The following PACSIN2 variants were observed in gnomAD, a reference collection of about 807,000 sequenced individuals.
PACSIN2 encodes protein kinase C and casein kinase substrate in neurons 2.
PACSIN2 carries 25 observed loss-of-function variants against 63.8 expected under a neutral mutation model. The ratio of observed to expected loss-of-function variants is 0.39; its 90% CI spans 0.29 to 0.55. PACSIN2 has a LOEUF of 0.55. PACSIN2 is among the 20% of genes least tolerant of loss of function. The pLI, the probability that PACSIN2 is intolerant of heterozygous loss-of-function variation, is 0.62. For missense variants in PACSIN2, 518 were observed against 646.9 expected (o/e 0.80, Z 2.16); for synonymous variants, 255 against 256.2 (o/e 1.00, Z 0.05).
chr22:42,887,140 G>A lies in PACSIN2; in HGVS notation c.609+1503C>T, dbSNP rs183742257. Among the ~76,000 whole-genome samples the A allele has an allele frequency of 2.6e-5, 4 of 152,278 alleles. No individual in the cohort carries two copies. In the East Asian group the frequency reaches 7.7e-4, roughly 29 times the overall value. Reference sequence around the variant, plus strand: ...GTAGTTGGTTCCAGGCTCCTCACCTGATCCCACCGTGGAGGCACCTGGGCT... The same window carrying A: ...GTAGTTGGTTCCAGGCTCCTCACCTAATCCCACCGTGGAGGCACCTGGGCT... On this transcript the variant is annotated intron_variant, in intron 5 of 10. Transcript: ENST00000263246.
intron 2 of PACSIN2, among the ~76,000 whole-genome samples, chr22:42,906,471 C>T (rs1931081421): frequency 6.6e-6 from 1 of 152,200 alleles, no homozygotes; most frequent in Admixed American, 6.5e-5. Context: ...CAGGGTCAGC[C>T]AAACATGGCC....
intron 1 of PACSIN2, among the ~76,000 whole-genome samples, chr22:42,914,069 C>G: frequency 6.6e-6 from 1 of 152,234 alleles, no homozygotes; most frequent in Middle Eastern, 3.2e-3. Flanking sequence ...GACTAAGATG[C>G]ATGCACGCTC....
chr22:42,991,284 G>T (rs1412953567), intron 1 of PACSIN2, among the ~76,000 whole-genome samples: 4 of 152,122 alleles, frequency 2.6e-5, no homozygotes, highest in Non-Finnish European at 4.4e-5. Flanking sequence ...GCTGGTCAAG[G>T]ACAAGCAGTG....
intron 1 of PACSIN2, among the ~76,000 whole-genome samples, chr22:42,948,811 G>A (rs941616714): frequency 6.6e-6 from 1 of 152,198 alleles, no homozygotes; most frequent in African/African-American, 2.4e-5. Context: ...AGAATATGGA[G>A]CCAGTTTCGT....
rs150149403 is a variant in PACSIN2, at chr22:42,979,059, T to C, written c.-78+35962A>G. ...ATCCTGTTGACCAATCCCCCTGCAG[T>C]ATAGCACAGACAACAGGGGTACTAC... On this transcript the variant is annotated intron_variant, in intron 1 of 10. Coordinates refer to ENST00000263246, the MANE Select transcript of PACSIN2 (RefSeq NM_001184970.3). Among the ~76,000 whole-genome samples, 335 of 152,184 alleles carry C rather than the reference T, an allele frequency of 2.2e-3. 1 individual carries two copies. The highest frequency in any genetic ancestry group is 7.8e-3 in the African/African-American group (323 of 41,502).
At chr22:42,995,454 G>A (rs915625339) in intron 1 of PACSIN2, among the ~76,000 whole-genome samples, 1 of 152,110 alleles carries the variant, frequency 6.6e-6, no homozygotes, top group African/African-American at 2.4e-5. Flanking sequence ...GTCCACTGAG[G>A]AGACAAGGTT....
intron 1 of PACSIN2, among the ~76,000 whole-genome samples, chr22:42,952,414 G>GGA (rs1365278633): frequency 2.6e-5 from 4 of 151,882 alleles, no homozygotes; most frequent in African/African-American, 4.8e-5. Flanking sequence ...GGAGTGCAGT[G>GGA]GCATGATCTT....
At chr22:42,906,117 G>C (rs1428473962) in intron 2 of PACSIN2, among the ~76,000 whole-genome samples, 1 of 152,256 alleles carries the variant, frequency 6.6e-6, no homozygotes, top group Non-Finnish European at 1.5e-5. Flanking sequence ...TTGTGGAACT[G>C]TCTTGTGCTG....
At chr22:42,898,937 T>TG (rs1930481862) in intron 2 of PACSIN2, among the ~76,000 whole-genome samples, 1 of 152,144 alleles carries the variant, frequency 6.6e-6, no homozygotes, top group African/African-American at 2.4e-5. Context: ...ACAGGCGTGC[T>TG]GGGGGGACTA....
chr22:42,943,347 T>A (rs1333107467), intron 1 of PACSIN2, among the ~76,000 whole-genome samples: 6 of 152,230 alleles, frequency 3.9e-5, no homozygotes, highest in Admixed American at 6.5e-5. Flanking sequence ...GAGAGTGTTT[T>A]ACCTTTTCCT....
chr22:42,892,642 G>A (rs1929994724), intron 3 of PACSIN2, among the ~76,000 whole-genome samples: 1 of 152,186 alleles, frequency 6.6e-6, no homozygotes, highest in Non-Finnish European at 1.5e-5. Context: ...CACAGCCTGG[G>A]CACATACCCT....
At chr22:42,875,814 G>A (rs903513108) in intron 10 of PACSIN2, among the ~76,000 whole-genome samples, 16 of 152,154 alleles carry the variant, frequency 1.1e-4, no homozygotes, top group Non-Finnish European at 1.5e-4. Flanking sequence ...TGGGATTACA[G>A]GCGTGAGCCA....
intron 1 of PACSIN2, among the ~76,000 whole-genome samples, chr22:43,010,525 A>G (rs1924418885): frequency 1.3e-5 from 2 of 152,130 alleles, no homozygotes; most frequent in African/African-American, 4.8e-5. Flanking sequence ...CCTGGCTAAC[A>G]TAGTGAAACC....
intron 1 of PACSIN2, among the ~76,000 whole-genome samples, chr22:42,965,584 A>G (rs2146857614): frequency 6.6e-6 from 1 of 152,326 alleles, no homozygotes; most frequent in Admixed American, 6.5e-5. Flanking sequence ...AGTGCCTCAG[A>G]TTCAAAAGAT....
intron 1 of PACSIN2, among the ~76,000 whole-genome samples, chr22:42,951,548 C>T (rs958175092): frequency 1.8e-4 from 27 of 152,332 alleles, no homozygotes; most frequent in African/African-American, 6.5e-4. Flanking sequence ...GGCCAAAACC[C>T]ACCTCTTGCT....
chr22:42,980,356 A>G (rs888237901), intron 1 of PACSIN2, among the ~76,000 whole-genome samples: 2 of 152,160 alleles, frequency 1.3e-5, no homozygotes, highest in Non-Finnish European at 2.9e-5. Flanking sequence ...TCTACTAAAA[A>G]TCAAAAACAC....
intron 1 of PACSIN2, among the ~76,000 whole-genome samples, chr22:42,976,872 T>C (rs528831334): frequency 3.9e-5 from 6 of 152,274 alleles, no homozygotes; most frequent in Admixed American, 2.0e-4. Context: ...GTCAGAGAAT[T>C]AGTAAATGGC....
chr22:42,883,875 ATG>A (rs1417579103), intron 6 of PACSIN2, among the ~76,000 whole-genome samples: 1 of 152,154 alleles, frequency 6.6e-6, no homozygotes, highest in Non-Finnish European at 1.5e-5. Flanking sequence ...GTGGTGGCGC[ATG>A]CCTGTAATCC....
chr22:42,882,231 G>C lies in PACSIN2; in HGVS notation c.859C>G (p.Arg287Gly). The C allele has an allele frequency of 6.2e-7, 1 of 1,613,956 alleles. No individual in the cohort carries two copies. The highest frequency in any genetic ancestry group is 8.5e-7 in the Non-Finnish European group (1 of 1,179,966). The change falls in exon 7 of 11, where the codon CGA (arginine) becomes GGA (glycine). Residue 287 changes from arginine to glycine, a missense_variant. Arg to Gly is a moderately radical substitution (Grantham distance 125). Transcript: ENST00000263246. ...GCCATGCCCGGCCCGTGATTGGCTC[G>C]GAACCACCTCAGGTCCTCCACTGCA... ...ADAVEDLRWFRANHGPGMAMN... is the reference protein window; with the variant it reads ...ADAVEDLRWFGANHGPGMAMN...
Sources: gnomAD v4.1 joint callset for allele counts (sites outside exome capture counted in the v4.1 genomes callset) on GRCh38, gnomAD v4.1.1 for gene constraint, MANE v1.5 for transcripts, NCBI Gene and HGNC (gene_info 2026-07-23, HGNC 2026-07-21) for gene names.